The following AFG2A variants were observed in gnomAD, a reference collection of about 807,000 sequenced individuals.
AFG2A encodes AAA ATPase AFG2A, also known as ATPase family gene 2 protein homolog A.
chr4:122,947,353 C>T, the AFG2A span: 4 of 1,614,004 alleles, frequency 2.5e-6, no homozygotes, highest in African/African-American at 2.7e-5. Context: ...TCCCAATGCT[C>T]AGGACCGGCT....
the AFG2A span, among the ~76,000 whole-genome samples, chr4:123,126,633 G>A: frequency 6.6e-6 from 1 of 152,146 alleles, no homozygotes; most frequent in Non-Finnish European, 1.5e-5. Flanking sequence ...GTTCTCATGA[G>A]ATATGAAGGT....
the AFG2A span, among the ~76,000 whole-genome samples, chr4:123,151,549 T>G: frequency 0.031 from 4,662 of 152,246 alleles, 136 homozygotes; most frequent in South Asian, 0.11. Context: ...CACTGGTCAT[T>G]AGAGAAATGC....
the AFG2A span, among the ~76,000 whole-genome samples, chr4:123,070,515 C>T: frequency 6.6e-6 from 1 of 152,124 alleles, no homozygotes; most frequent in Admixed American, 6.6e-5. Flanking sequence ...CTGCTTCCTT[C>T]TTTATAGAAT....
the AFG2A span, among the ~76,000 whole-genome samples, chr4:123,294,185 C>A: frequency 6.6e-6 from 1 of 152,182 alleles, no homozygotes; most frequent in Admixed American, 6.5e-5. Context: ...TCTGGTCTCC[C>A]AAAAGCAAGT....
chr4:122,924,994 C>T, the AFG2A span, among the ~76,000 whole-genome samples: 1 of 152,138 alleles, frequency 6.6e-6, no homozygotes, highest in East Asian at 1.9e-4. Context: ...TTGAATAGCA[C>T]TGTACAATAA....
At chr4:123,161,397 C>T in the AFG2A span, among the ~76,000 whole-genome samples, 1 of 152,098 alleles carries the variant, frequency 6.6e-6, no homozygotes, top group South Asian at 2.1e-4. Context: ...CCGCATCCAG[C>T]AGGGGTGACT....
At chr4:123,093,507 T>C in the AFG2A span, among the ~76,000 whole-genome samples, 1 of 152,164 alleles carries the variant, frequency 6.6e-6, no homozygotes, top group Non-Finnish European at 1.5e-5. Flanking sequence ...TGCCATCTGC[T>C]GGCTTTGGCC....
the AFG2A span, among the ~76,000 whole-genome samples, chr4:123,218,933 A>G: frequency 6.6e-6 from 1 of 152,304 alleles, no homozygotes; most frequent in Non-Finnish European, 1.5e-5. Flanking sequence ...TGAATTAACC[A>G]CTGTATTAAA....
chr4:122,979,430 ACT>A, the AFG2A span: 5 of 1,571,912 alleles, frequency 3.2e-6, no homozygotes, highest in Non-Finnish European at 4.3e-6. Context: ...TTTGAATTAA[ACT>A]CTGAAAAAAA....
chr4:122,955,942 G>A, the AFG2A span, among the ~76,000 whole-genome samples: 1 of 152,184 alleles, frequency 6.6e-6, no homozygotes, highest in Non-Finnish European at 1.5e-5. Flanking sequence ...AGAAGTATCA[G>A]TAGATAGCTT....
At chr4:123,165,681 T>G in the AFG2A span, among the ~76,000 whole-genome samples, 1 of 152,172 alleles carries the variant, frequency 6.6e-6, no homozygotes, top group South Asian at 2.1e-4. Flanking sequence ...TATATCCATA[T>G]AAATTCGGAT....
At chr4:123,046,417 G>T in the AFG2A span, among the ~76,000 whole-genome samples, 1 of 152,170 alleles carries the variant, frequency 6.6e-6, no homozygotes, top group African/African-American at 2.4e-5. Flanking sequence ...TTCAATATAT[G>T]TTAGTACTTA....
the AFG2A span, chr4:123,313,945 A>G: frequency 1.2e-6 from 2 of 1,612,990 alleles, no homozygotes; most frequent in South Asian, 2.2e-5. Flanking sequence ...CATTCAAGCC[A>G]ATCTCATCAT....
the AFG2A span, among the ~76,000 whole-genome samples, chr4:123,267,166 A>G: frequency 6.6e-6 from 1 of 152,060 alleles, no homozygotes; most frequent in African/African-American, 2.4e-5. Context: ...GCTGCAATGC[A>G]GTGGTTACCT....
the AFG2A span, among the ~76,000 whole-genome samples, chr4:122,943,832 T>G: frequency 1.3e-5 from 2 of 152,166 alleles, no homozygotes; most frequent in Non-Finnish European, 2.9e-5. Flanking sequence ...GCAGGCCTGG[T>G]GGTGACAAAA....
At chr4:122,973,276 C>A in the AFG2A span, among the ~76,000 whole-genome samples, 1 of 151,898 alleles carries the variant, frequency 6.6e-6, no homozygotes, top group African/African-American at 2.4e-5. Flanking sequence ...TACTTTCAAC[C>A]TTTGTATATT....
the AFG2A span, among the ~76,000 whole-genome samples, chr4:123,313,154 T>G: frequency 2.6e-5 from 4 of 152,204 alleles, no homozygotes; most frequent in African/African-American, 9.6e-5. Context: ...ATTTCGGGAT[T>G]CTTGAACCTT....
the AFG2A span, among the ~76,000 whole-genome samples, chr4:123,095,081 GTATA>G: frequency 0.084 from 4,034 of 48,210 alleles, 194 homozygotes; most frequent in East Asian, 0.39. Context: ...GTGTGTGTGT[GTATA>G]TATATATATA....
chr4:122,934,849 A>G, the AFG2A span: 4 of 1,338,496 alleles, frequency 3.0e-6, no homozygotes, highest in African/African-American at 5.9e-5. Context: ...TTTTCTGAGT[A>G]GTAGGTATGG....
Sources: gnomAD v4.1 joint callset for allele counts (sites outside exome capture counted in the v4.1 genomes callset) on GRCh38, gnomAD v4.1.1 for gene constraint, MANE v1.5 for transcripts, NCBI Gene and HGNC (gene_info 2026-07-23, HGNC 2026-07-21) for gene names.